NOX3: variants seen among roughly 807,000 people sequenced by gnomAD.
The protein encoded by NOX3 is NADPH oxidase 3.
In NOX3, 74 loss-of-function variants were observed where a neutral mutation model predicts 76.7. The ratio of observed to expected loss-of-function variants is 0.96; its 90% CI spans 0.80 to 1.17. The LOEUF is 1.17. NOX3 is among the 50% of genes most tolerant of loss of function. The pLI, the probability that NOX3 is intolerant of heterozygous loss-of-function variation, is 0.00. For synonymous variants in NOX3, 263 were observed against 261.1 expected (o/e 1.01, Z -0.07); for missense variants, 695 against 703.3 (o/e 0.99, Z 0.13).
At chr6:155,401,745 A>ATT (rs1039087007) in intron 12 of NOX3, among the ~76,000 whole-genome samples, 1 of 144,674 alleles carries the variant, frequency 6.9e-6, no homozygotes, top group African/African-American at 2.6e-5. Context: ...GTACTCTTCT[A>ATT]TTTTTTTTTC....
At chr6:155,396,518 A>G (rs1220623858) in intron 13 of NOX3, among the ~76,000 whole-genome samples, 2 of 152,212 alleles carry the variant, frequency 1.3e-5, no homozygotes, top group Non-Finnish European at 2.9e-5. Context: ...TCGCCCCCTG[A>G]GTGTGTGGAT....
intron 4 of NOX3, among the ~76,000 whole-genome samples, chr6:155,447,734 A>G (rs145482009): frequency 4.3e-4 from 66 of 152,330 alleles, no homozygotes; most frequent in African/African-American, 1.5e-3. Context: ...TCTCAGAGAG[A>G]AAACTGCTTA....
intron 5 of NOX3, 32 bp downstream of exon 5, chr6:155,443,241 G>A (rs774711849): frequency 1.6e-5 from 25 of 1,597,136 alleles, no homozygotes; most frequent in Non-Finnish European, 2.1e-5. Context: ...GGATTTTTCA[G>A]GGGAGAAGCT....
intron 10 of NOX3, among the ~76,000 whole-genome samples, chr6:155,419,334 A>G (rs1032870021): frequency 1.3e-5 from 2 of 152,208 alleles, no homozygotes; most frequent in African/African-American, 2.4e-5. Context: ...CTTCCATGAA[A>G]GAACTTTGAA....
Position 155,407,183 on chromosome 6 carries a change from A to G in NOX3, c.1527T>C (p.Tyr509=). 5 of 1,614,130 alleles carry G rather than the reference A, an allele frequency of 3.1e-6. No homozygotes were observed. Among genetic ancestry groups the G allele is most frequent in the Non-Finnish European group, 4.2e-6 (5 of 1,179,974 alleles). The change falls in exon 12 of 14, where the codon TAT becomes TAC. Residue 509 remains tyrosine (Y), a synonymous_variant. Transcript: ENST00000159060. ...ACTCATTGTTCCAGTTGGGCCTCCC[A>G]TAGAAGGTCTTCTGCTTTAAGCCTG... The part of the protein sequence containing the change: ...VITGLKQKTF[Y]GRPNWNNEFK...
At chr6:155,437,582 T>G (rs1378588561) in intron 6 of NOX3, among the ~76,000 whole-genome samples, 1 of 152,196 alleles carries the variant, frequency 6.6e-6, no homozygotes, top group Non-Finnish European at 1.5e-5. Flanking sequence ...CTGAGTTAGA[T>G]GAGAAAAACT....
intron 7 of NOX3, among the ~76,000 whole-genome samples, chr6:155,435,458 G>A (rs565348123): frequency 6.6e-6 from 1 of 152,082 alleles, no homozygotes; most frequent in South Asian, 2.1e-4. Flanking sequence ...CGGTTCTCTC[G>A]GTTTTAATCA....
At chr6:155,436,865 A>G (rs1339456430) in intron 6 of NOX3, among the ~76,000 whole-genome samples, 1 of 152,206 alleles carries the variant, frequency 6.6e-6, no homozygotes, top group Non-Finnish European at 1.5e-5. Context: ...GTTGAATTTA[A>G]TTAGGTTTCA....
At chr6:155,421,568 C>A (rs1009488049) in intron 10 of NOX3, among the ~76,000 whole-genome samples, 1 of 152,102 alleles carries the variant, frequency 6.6e-6, no homozygotes, top group Non-Finnish European at 1.5e-5. Flanking sequence ...ATCTTTTCTG[C>A]GGAACTTTTT....
At chr6:155,434,378 A>G (rs1776874757) in intron 7 of NOX3, among the ~76,000 whole-genome samples, 1 of 152,238 alleles carries the variant, frequency 6.6e-6, no homozygotes, top group Admixed American at 6.5e-5. Context: ...TTGCATCAGC[A>G]GCAAACCAGG....
At chr6:155,407,835 C>T (rs531426726) in intron 11 of NOX3, among the ~76,000 whole-genome samples, 15 of 152,310 alleles carry the variant, frequency 9.8e-5, no homozygotes, top group East Asian at 3.9e-4. Context: ...GCCTGGCAGG[C>T]GGCTTGGCTG....
At chr6:155,449,392 G>A (rs1351344796) in intron 4 of NOX3, among the ~76,000 whole-genome samples, 2 of 152,084 alleles carry the variant, frequency 1.3e-5, no homozygotes, top group African/African-American at 2.4e-5. Context: ...GGTCTTCAAG[G>A]TCTGCTGTGG....
intron 9 of NOX3, among the ~76,000 whole-genome samples, chr6:155,427,793 G>A (rs1776776690): frequency 6.6e-6 from 1 of 152,196 alleles, no homozygotes; most frequent in Non-Finnish European, 1.5e-5. Flanking sequence ...TATGAACAGT[G>A]GGAATTGACC....
Position 155,454,815 on chromosome 6 carries a change from C to G in NOX3, c.251G>C (p.Ser84Thr). ...RNLISFIRGT[S>T]ICCRGPWRRQ... ...TTCAGATATTTTAGTACTTACAATA[C>G]TTGTTCCTCTTATGAATGAAATAAG... is the stretch of plus-strand genomic sequence containing the variant. The change falls in exon 3 of 14, where the codon AGT becomes ACT. Residue 84 changes from serine (S) to threonine (T), a missense_variant. Transcript: ENST00000159060. 1 of 1,551,240 alleles carries G rather than the reference C, an allele frequency of 6.4e-7. No individual in the cohort carries two copies. The highest frequency in any genetic ancestry group is 8.8e-7 in the Non-Finnish European group (1 of 1,139,356).
intron 10 of NOX3, among the ~76,000 whole-genome samples, chr6:155,411,933 T>C (rs1309690977): frequency 1.3e-5 from 2 of 152,180 alleles, no homozygotes; most frequent in African/African-American, 4.8e-5. Flanking sequence ...GCTGTGCCTG[T>C]GTGTCAACTG....
chr6:155,421,322 G>T (rs374312604), intron 10 of NOX3, among the ~76,000 whole-genome samples: 13 of 152,294 alleles, frequency 8.5e-5, no homozygotes, highest in African/African-American at 3.1e-4. Context: ...TTATAAGGTT[G>T]TTGGGGAGAT....
Position 155,455,097 on chromosome 6 carries a change from A to G in NOX3, c.81T>C (p.Phe27=). 1 of 1,613,036 alleles carries G rather than the reference A, an allele frequency of 6.2e-7. No homozygotes were observed. The highest frequency in any genetic ancestry group is 8.5e-7 in the Non-Finnish European group (1 of 1,179,298). ...CTTCATACCAGTAGAACGTGTCAAT[A>G]AACAGATAAAAATTTATTCCCAGCC... is the stretch of plus-strand genomic sequence containing the variant. ...LSWLGINFYL[F]IDTFYWYEEE... is the part of the protein sequence containing the mutation. The change falls in exon 2 of 14, where the codon TTT becomes TTC. Residue 27 remains phenylalanine (F), a synonymous_variant. Coordinates refer to ENST00000159060, the MANE Select transcript of NOX3 (RefSeq NM_015718.3).
At chr6:155,409,867 G>T (rs1223605118) in intron 11 of NOX3, among the ~76,000 whole-genome samples, 2 of 152,080 alleles carry the variant, frequency 1.3e-5, no homozygotes, top group African/African-American at 4.8e-5. Flanking sequence ...GACGGGAGGG[G>T]GCAGGATTGT....
At chr6:155,415,862 T>C (rs1384511123) in intron 10 of NOX3, among the ~76,000 whole-genome samples, 1 of 152,214 alleles carries the variant, frequency 6.6e-6, no homozygotes, top group African/African-American at 2.4e-5. Context: ...TCCTTGTTTG[T>C]CATTTGGAGG....
Sources: allele counts gnomAD v4.1 joint callset (sites outside exome capture counted in the v4.1 genomes callset), GRCh38; gene constraint gnomAD v4.1.1; transcripts MANE v1.5; gene names NCBI Gene and HGNC (gene_info 2026-07-23, HGNC 2026-07-21).